The following MAPK6 variants were observed in gnomAD, a reference collection of about 807,000 sequenced individuals.
MAPK6 encodes mitogen-activated protein kinase 6.
A neutral mutation model predicts 59.3 loss-of-function variants in MAPK6; 19 were observed. That is an observed-to-expected ratio of 0.32 (90% CI 0.22 to 0.47). The LOEUF (loss-of-function observed/expected upper bound fraction) is 0.47, where lower values mean the gene tolerates loss of function less well. Among genes scored for constraint, MAPK6 ranks in the 20% least tolerant of loss-of-function variants. The pLI, the probability that MAPK6 is intolerant of heterozygous loss-of-function variation, is 1.00. For synonymous variants in MAPK6, 316 were observed against 290.3 expected (o/e 1.09, Z -0.90); for missense variants, 724 against 847.9 (o/e 0.85, Z 1.81).
chr15:52,033,583 C>G (rs2031125184), intron 1 of MAPK6: 1 of 152,196 alleles, frequency 6.6e-6, no homozygotes, highest in Non-Finnish European at 1.5e-5. Flanking sequence ...GTTAGCCTCC[C>G]TGCTTTTGAG....
At chr15:52,028,637 T>G (rs1488832407) in intron 1 of MAPK6, among the ~76,000 whole-genome samples, 2 of 152,250 alleles carry the variant, frequency 1.3e-5, no homozygotes, top group East Asian at 3.8e-4. Flanking sequence ...ATGGCTGCTC[T>G]ATTGGACAGT....
At chr15:52,043,864 C>G (rs2141080074) in intron 1 of MAPK6, among the ~76,000 whole-genome samples, 1 of 142,666 alleles carries the variant, frequency 7.0e-6, no homozygotes, top group South Asian at 2.3e-4. Context: ...CAACCTCTAC[C>G]TACCTGGTTC....
intron 1 of MAPK6, among the ~76,000 whole-genome samples, chr15:52,022,262 G>T (rs556639515): frequency 6.6e-6 from 1 of 152,138 alleles, no homozygotes. Flanking sequence ...GGACAGTAAA[G>T]TGTTTGTTGT....
At chr15:52,035,623 TAA>T (rs766482064) in intron 1 of MAPK6, 25 of 126,666 alleles carry the variant, frequency 2.0e-4, no homozygotes, top group Non-Finnish European at 2.1e-4. Context: ...GACACCATCT[TAA>T]AAAAAAAAAA....
At chr15:52,002,182 A>G (rs2057243956) in intron 2 of MAPK6, among the ~76,000 whole-genome samples, 1 of 152,234 alleles carries the variant, frequency 6.6e-6, no homozygotes. Context: ...GAGGTGAGCA[A>G]TAACCATATA....
chr15:52,055,435 T>TG (rs1409372998), intron 3 of MAPK6, among the ~76,000 whole-genome samples: 2 of 152,196 alleles, frequency 1.3e-5, no homozygotes, highest in Non-Finnish European at 2.9e-5. Context: ...GTCTATATAA[T>TG]GAAAAATCAT....
chr15:52,016,928 C>G (rs1313883068), upstream of MAPK6, among the ~76,000 whole-genome samples: 2 of 152,124 alleles, frequency 1.3e-5, no homozygotes, highest in Non-Finnish European at 2.9e-5. Flanking sequence ...CCTGTAGTCC[C>G]AGCTACTCGG....
At chr15:52,007,437 C>T in intron 3 of MAPK6, among the ~76,000 whole-genome samples, 1 of 152,018 alleles carries the variant, frequency 6.6e-6, no homozygotes. Flanking sequence ...ACTTTTTTTC[C>T]TCCTGCTCTC....
At chr15:52,016,109 A>ACACAC (rs2030259664), upstream of MAPK6, among the ~76,000 whole-genome samples, 4 of 48,416 alleles carry the variant, frequency 8.3e-5, no homozygotes, top group South Asian at 7.7e-4. Context: ...CACACACACA[A>ACACAC]ACTAAAACTG....
intron 1 of MAPK6, among the ~76,000 whole-genome samples, chr15:51,975,758 A>C (rs1479751001): frequency 6.6e-6 from 1 of 151,694 alleles, no homozygotes; most frequent in African/African-American, 2.4e-5. Context: ...GGCCTTTAGA[A>C]GGGAACAGGC....
chr15:52,061,598 G>C, intron 5 of MAPK6, 98 bp downstream of exon 5: 5 of 936,972 alleles, frequency 5.3e-6, no homozygotes, highest in Non-Finnish European at 7.9e-6. Flanking sequence ...CATTGTAGAA[G>C]TCTTAAAAAT....
intron 3 of MAPK6, among the ~76,000 whole-genome samples, chr15:52,010,154 T>C (rs2030012385): frequency 6.6e-6 from 1 of 152,166 alleles, no homozygotes; most frequent in Admixed American, 6.6e-5. Flanking sequence ...AGTGTTTACC[T>C]GAAACGGGCT....
intron 1 of MAPK6, among the ~76,000 whole-genome samples, chr15:52,039,228 G>C (rs79418324): frequency 0.055 from 8,368 of 151,894 alleles, 441 homozygotes; most frequent in African/African-American, 0.13. Flanking sequence ...CAGGCTGGTC[G>C]CAGGTGATCC....
intron 1 of MAPK6, among the ~76,000 whole-genome samples, chr15:52,035,164 G>A (rs1251825844): frequency 6.6e-6 from 1 of 152,168 alleles, no homozygotes; most frequent in African/African-American, 2.4e-5. Flanking sequence ...CTCGGCCTTA[G>A]GAGGAATATC....
chr15:51,997,913 TTCTTTCTTTC>T (rs1211410271), intron 2 of MAPK6, among the ~76,000 whole-genome samples: 1 of 146,872 alleles, frequency 6.8e-6, no homozygotes, highest in Non-Finnish European at 1.5e-5. Context: ...TTTCTTTCTT[TTCTTTCTTTC>T]TCTTTCTTTC....
chr15:52,026,300 C>T (rs557307473), intron 1 of MAPK6, among the ~76,000 whole-genome samples: 1 of 151,844 alleles, frequency 6.6e-6, no homozygotes, highest in Non-Finnish European at 1.5e-5. Context: ...TTGTTGTTGT[C>T]GTTGTTTTGA....
intron 4 of MAPK6, among the ~76,000 whole-genome samples, chr15:52,060,771 T>C (rs1197820312): frequency 2.0e-5 from 3 of 152,216 alleles, no homozygotes; most frequent in South Asian, 2.1e-4. Flanking sequence ...ATCAAGAAAT[T>C]AGTACAACAG....
chr15:51,993,048 T>C (rs2057214648), intron 2 of MAPK6, among the ~76,000 whole-genome samples: 1 of 152,140 alleles, frequency 6.6e-6, no homozygotes, highest in South Asian at 2.1e-4. Context: ...TGGAGGTCTA[T>C]GGTTGGTGGG....
intron 1 of MAPK6, among the ~76,000 whole-genome samples, chr15:52,031,906 A>AT (rs968482238): frequency 1.8e-3 from 269 of 147,728 alleles, no homozygotes; most frequent in African/African-American, 4.9e-3. Flanking sequence ...TGAACAAATA[A>AT]TTTTTTTTTT....
Sources: allele counts gnomAD v4.1 joint callset (sites outside exome capture counted in the v4.1 genomes callset), GRCh38; gene constraint gnomAD v4.1.1; transcripts MANE v1.5; gene names NCBI Gene and HGNC (gene_info 2026-07-23, HGNC 2026-07-21).